Variants in RBFOX1 observed in about 807,000 individuals in gnomAD.
RBFOX1 encodes the protein RNA binding fox-1 homolog 1, also known as RNA binding protein fox-1 homolog 1.
A neutral mutation model predicts 57.7 loss-of-function variants in RBFOX1; 8 were observed. The observed-to-expected ratio is 0.14, with a 90% CI of 0.08 to 0.25. The LOEUF is 0.25. Among genes scored for constraint, RBFOX1 ranks in the 10% least tolerant of loss-of-function variants. The probability of loss-of-function intolerance (pLI) is 1.00; values close to 1 mark genes in which losing one functional copy is unlikely to be tolerated. For synonymous variants in RBFOX1, 326 were observed against 222.4 expected (o/e 1.47, Z -4.15); for missense variants, 611 against 548.5 (o/e 1.11, Z -1.14).
chr16:5,811,052 T>C (rs1272599456), intron 3 of RBFOX1, among the ~76,000 whole-genome samples: 2 of 151,792 alleles, frequency 1.3e-5, no homozygotes, highest in African/African-American at 4.8e-5. Flanking sequence ...CCTGCTCCCA[T>C]CCTCCTCAGA....
intron 3 of RBFOX1, among the ~76,000 whole-genome samples, chr16:6,964,553 G>T (rs1007424461): frequency 6.6e-6 from 1 of 152,184 alleles, no homozygotes; most frequent in Non-Finnish European, 1.5e-5. Context: ...TGTGGGGCCA[G>T]TGAGGGTATA....
intron 2 of RBFOX1, among the ~76,000 whole-genome samples, chr16:6,438,793 T>G (rs2094303337): frequency 1.3e-5 from 2 of 151,688 alleles, no homozygotes; most frequent in Non-Finnish European, 2.9e-5. Context: ...ATAATGCTAC[T>G]AGGACATTAT....
intron 1 of RBFOX1, among the ~76,000 whole-genome samples, chr16:5,411,239 A>C (rs932001134): frequency 6.6e-6 from 1 of 152,240 alleles, no homozygotes; most frequent in African/African-American, 2.4e-5. Flanking sequence ...GGGACTTTGC[A>C]TGTATGATTA....
chr16:6,749,665 G>A (rs1357419499), intron 3 of RBFOX1, among the ~76,000 whole-genome samples: 1 of 152,016 alleles, frequency 6.6e-6, no homozygotes, highest in Non-Finnish European at 1.5e-5. Flanking sequence ...GTACATCAGG[G>A]GTAACAAATC....
At chr16:6,069,880 G>A (rs1409057301) in intron 1 of RBFOX1, among the ~76,000 whole-genome samples, 4 of 151,934 alleles carry the variant, frequency 2.6e-5, no homozygotes, top group Non-Finnish European at 5.9e-5. Flanking sequence ...CCAGCTATTC[G>A]GGAGGCTGAG....
chr16:6,037,008 G>C (rs2095373908), intron 1 of RBFOX1, among the ~76,000 whole-genome samples: 1 of 152,134 alleles, frequency 6.6e-6, no homozygotes, highest in Non-Finnish European at 1.5e-5. Flanking sequence ...GTTGGAGGTG[G>C]GGGGAGACAG....
intron 1 of RBFOX1, among the ~76,000 whole-genome samples, chr16:5,252,533 T>C (rs1175559722): frequency 6.6e-6 from 1 of 152,174 alleles, no homozygotes; most frequent in African/African-American, 2.4e-5. Flanking sequence ...AGGATGGAGA[T>C]GGACAGAGAA....
intron 1 of RBFOX1, among the ~76,000 whole-genome samples, chr16:6,022,315 G>T (rs1182875624): frequency 6.6e-6 from 1 of 151,446 alleles, no homozygotes; most frequent in African/African-American, 2.4e-5. Context: ...GAAAACACAA[G>T]AATCGAAGAA....
chr16:5,549,727 G>C (rs909945205), intron 2 of RBFOX1, among the ~76,000 whole-genome samples: 3 of 152,160 alleles, frequency 2.0e-5, no homozygotes, highest in Admixed American at 2.0e-4. Context: ...AAGTGGTTAA[G>C]AAATGCATAT....
chr16:5,843,044 GTC>G (rs1259782887), intron 3 of RBFOX1, among the ~76,000 whole-genome samples: 1 of 152,066 alleles, frequency 6.6e-6, no homozygotes, highest in Non-Finnish European at 1.5e-5. Flanking sequence ...GGCCAGGCTG[GTC>G]TCGAACTCCT....
At chr16:7,095,324 G>A (rs146859030) in intron 4 of RBFOX1, among the ~76,000 whole-genome samples, 16 of 152,212 alleles carry the variant, frequency 1.1e-4, no homozygotes, top group African/African-American at 3.6e-4. Flanking sequence ...TTTTAGTAGA[G>A]ACTGGGTTTC....
At chr16:5,624,830 G>T (rs895487526) in intron 3 of RBFOX1, among the ~76,000 whole-genome samples, 1 of 152,192 alleles carries the variant, frequency 6.6e-6, no homozygotes, top group Non-Finnish European at 1.5e-5. Flanking sequence ...TGGCAGGATG[G>T]GGGGACAGAG....
chr16:6,562,979 A>G lies in RBFOX1; in HGVS notation c.-63-91624A>G, dbSNP rs191568884. Among the ~76,000 whole-genome samples the G allele has an allele frequency of 1.5e-4, 22 of 147,910 alleles. No individual in the cohort carries two copies. The South Asian group carries it at 2.4e-3, about 16-fold the overall frequency. On this transcript the variant is annotated intron_variant, in intron 2 of 15. Transcript: ENST00000550418. ...TTTCCTGGGTATGTCCTTCTGTGCA[A>G]TGTACCTTCCATGAAGCTTACCAGC...
intron 1 of RBFOX1, among the ~76,000 whole-genome samples, chr16:6,158,126 G>C (rs987034690): frequency 6.6e-6 from 1 of 152,176 alleles, no homozygotes; most frequent in African/African-American, 2.4e-5. Flanking sequence ...TGAAAGTGGA[G>C]TGGCTTCTGG....
intron 4 of RBFOX1, among the ~76,000 whole-genome samples, chr16:7,246,689 C>T (rs1603443659): frequency 7.2e-6 from 1 of 139,502 alleles, no homozygotes. Flanking sequence ...CCTTCCCTTT[C>T]CTCCTTGGTA....
At chr16:5,519,875 A>G (rs565034908) in intron 2 of RBFOX1, among the ~76,000 whole-genome samples, 62 of 152,340 alleles carry the variant, frequency 4.1e-4, no homozygotes, top group African/African-American at 1.5e-3. Flanking sequence ...GCATTCATTC[A>G]TTCAATAATT....
chr16:7,400,424 C>G (rs1043208583), intron 4 of RBFOX1, among the ~76,000 whole-genome samples: 3 of 152,144 alleles, frequency 2.0e-5, no homozygotes, highest in Admixed American at 6.5e-5. Context: ...AGACAGAAAT[C>G]CTCAAAAGTG....
intron 3 of RBFOX1, among the ~76,000 whole-genome samples, chr16:6,725,529 T>C (rs954806916): frequency 1.3e-5 from 2 of 152,116 alleles, no homozygotes; most frequent in African/African-American, 4.8e-5. Flanking sequence ...ACCCCTTTCC[T>C]GGAAAACTCA....
At chr16:5,406,316 A>T (rs750742515) in intron 1 of RBFOX1, among the ~76,000 whole-genome samples, 1 of 151,768 alleles carries the variant, frequency 6.6e-6, no homozygotes, top group African/African-American at 2.4e-5. Flanking sequence ...GTGCCATCCA[A>T]TCCGTCAAAG....
Sources: allele counts gnomAD v4.1 joint callset (sites outside exome capture counted in the v4.1 genomes callset), GRCh38; gene constraint gnomAD v4.1.1; transcripts MANE v1.5; gene names NCBI Gene and HGNC (gene_info 2026-07-23, HGNC 2026-07-21).